Variants in MAN1C1 observed in about 807,000 individuals in gnomAD.
The protein encoded by MAN1C1 is mannosidase alpha class 1C member 1.
MAN1C1 carries 49 observed loss-of-function variants against 71.5 expected under a neutral mutation model. The ratio of observed to expected loss-of-function variants is 0.69; its 90% CI spans 0.54 to 0.87. The LOEUF (loss-of-function observed/expected upper bound fraction) is 0.87, where lower values mean the gene tolerates loss of function less well. Among genes scored for constraint, MAN1C1 ranks in the 40% least tolerant of loss-of-function variants. The pLI, the probability that MAN1C1 is intolerant of heterozygous loss-of-function variation, is 0.00. For synonymous variants in MAN1C1, 352 were observed against 343.7 expected, an observed-to-expected ratio of 1.02 and a Z score of -0.27; for missense variants, 743 against 835.0, an observed-to-expected ratio of 0.89 and a Z score of 1.36.
intron 1 of MAN1C1, among the ~76,000 whole-genome samples, chr1:25,627,521 C>T (rs567516605): frequency 3.3e-5 from 5 of 152,192 alleles, no homozygotes; most frequent in Admixed American, 2.6e-4. Flanking sequence ...GTGATTTGCC[C>T]GCCTCAGCCT....
At chr1:25,731,778 G>A (rs546475467) in intron 2 of MAN1C1, among the ~76,000 whole-genome samples, 8 of 152,308 alleles carry the variant, frequency 5.3e-5, no homozygotes, top group African/African-American at 1.9e-4. Context: ...TACTGATGCT[G>A]GGAGTAAACC....
Position 25,783,757 on chromosome 1 carries a change from G to A in MAN1C1, c.1861G>A (p.Asp621Asn), listed in dbSNP as rs1371870949. ...EAHPLPVNHS[D>N]SSGRAWGRH ...CCACCCACTCCCGGTGAACCACTCA[G>A]ACAGCTCCGGCAGAGCCTGGGGCAG... is the stretch of plus-strand genomic sequence containing the variant. Residue 621 changes from aspartate (D) to asparagine (N), a missense_variant, in exon 12 of 12, where the codon GAC becomes AAC. Transcript: ENST00000374332. 2.5e-6 allele frequency: 4 copies of A among 1,612,524 alleles called. No individual in the cohort carries two copies. The South Asian group carries it at 4.4e-5, about 18-fold the overall frequency.
At chr1:25,632,351 A>G (rs998176928) in intron 1 of MAN1C1, among the ~76,000 whole-genome samples, 99 of 152,186 alleles carry the variant, frequency 6.5e-4, no homozygotes, top group African/African-American at 2.3e-3. Context: ...TGGTTGTAAT[A>G]CTTCCAGTTT....
intron 2 of MAN1C1, among the ~76,000 whole-genome samples, chr1:25,741,097 G>A (rs1462750921): frequency 1.3e-5 from 2 of 152,034 alleles, no homozygotes; most frequent in African/African-American, 4.8e-5. Context: ...TTCAGACAGT[G>A]AAACATGCGA....
At chr1:25,708,633 C>A (rs552951169) in intron 2 of MAN1C1, among the ~76,000 whole-genome samples, 24 of 152,280 alleles carry the variant, frequency 1.6e-4, no homozygotes, top group Admixed American at 1.3e-3. Context: ...GCCTGTAATC[C>A]CAGCACTTTG....
chr1:25,698,949 GAAA>G (rs550083045), intron 2 of MAN1C1, among the ~76,000 whole-genome samples: 1 of 117,374 alleles, frequency 8.5e-6, no homozygotes, highest in Non-Finnish European at 1.8e-5. Flanking sequence ...CTCTGTCTTG[GAAA>G]AAAAAAAAAA....
chr1:25,709,585 T>C (rs1327366206), intron 2 of MAN1C1: 3 of 152,166 alleles, frequency 2.0e-5, no homozygotes, highest in African/African-American at 7.2e-5. Context: ...CTCCCCGCCG[T>C]CTTGGTTACA....
intron 1 of MAN1C1, among the ~76,000 whole-genome samples, chr1:25,675,587 G>GGGC (rs200016929): frequency 0.021 from 2,968 of 141,242 alleles, 146 homozygotes; most frequent in African/African-American, 0.079. Flanking sequence ...TATTTTGCGG[G>GGGC]GGGGGGGGGA....
chr1:25,642,817 C>G (rs1411818685), intron 1 of MAN1C1, among the ~76,000 whole-genome samples: 1 of 152,262 alleles, frequency 6.6e-6, no homozygotes, highest in African/African-American at 2.4e-5. Context: ...GCTCCGAGGC[C>G]GCTGGCTGCA....
At chr1:25,666,419 G>A (rs1409977168) in intron 1 of MAN1C1, among the ~76,000 whole-genome samples, 1 of 152,172 alleles carries the variant, frequency 6.6e-6, no homozygotes, top group Non-Finnish European at 1.5e-5. Flanking sequence ...AGTCAAATCT[G>A]AGAGCAAACG....
intron 1 of MAN1C1, among the ~76,000 whole-genome samples, chr1:25,673,307 G>T (rs567034575): frequency 1.3e-5 from 2 of 152,276 alleles, no homozygotes; most frequent in South Asian, 2.1e-4. Flanking sequence ...GATCCTTGCA[G>T]CACCCAGAGA....
chr1:25,666,889 A>G (rs1286433961), intron 1 of MAN1C1, among the ~76,000 whole-genome samples: 1 of 152,156 alleles, frequency 6.6e-6, no homozygotes, highest in African/African-American at 2.4e-5. Context: ...AGGTTTTGAA[A>G]CACCTGTCAT....
intron 1 of MAN1C1, among the ~76,000 whole-genome samples, chr1:25,661,995 C>T (rs1023398449): frequency 1.3e-5 from 2 of 152,120 alleles, no homozygotes; most frequent in African/African-American, 2.4e-5. Context: ...TGCTGGCCAG[C>T]GAACAGTGGT....
At chr1:25,768,592 CCA>C (rs2047493592) in intron 7 of MAN1C1, among the ~76,000 whole-genome samples, 1 of 112,300 alleles carries the variant, frequency 8.9e-6, no homozygotes, top group African/African-American at 3.3e-5. Flanking sequence ...ACCCACACAC[CCA>C]CACTCCCCTC....
rs1287752656 is a variant in MAN1C1 at position 25,746,177 on chromosome 1, C to T, written c.638-491C>T. Among the ~76,000 whole-genome samples, 1 of 151,992 alleles carries T rather than the reference C, an allele frequency of 6.6e-6. No homozygotes were observed. Among genetic ancestry groups the T allele is most frequent in the Non-Finnish European group, 1.5e-5 (1 of 68,002 alleles). On this transcript the variant is annotated intron_variant, in intron 2 of 11. Coordinates refer to ENST00000374332, the MANE Select transcript of MAN1C1 (RefSeq NM_020379.4). The surrounding 1 kb of genome is among the most constrained non-coding windows in gnomAD (Gnocchi z 4.0). ...AAAATTATCTGGGCGTGGTGGTGGA[C>T]ACCTGTGGTCCCAGCTACTTGGGAG...
chr1:25,692,784 C>T (rs2046324962), intron 2 of MAN1C1, among the ~76,000 whole-genome samples: 1 of 152,170 alleles, frequency 6.6e-6, no homozygotes, highest in Non-Finnish European at 1.5e-5. Context: ...ACCACTGCCC[C>T]CAGTGGAAGG....
intron 2 of MAN1C1, among the ~76,000 whole-genome samples, chr1:25,695,969 T>G (rs541400959): frequency 3.1e-4 from 47 of 152,204 alleles, no homozygotes; most frequent in South Asian, 6.2e-4. Flanking sequence ...GAAGGGGGTA[T>G]TGGGCTGGTC....
chr1:25,694,383 C>A (rs1437105121), intron 2 of MAN1C1, among the ~76,000 whole-genome samples: 2 of 152,182 alleles, frequency 1.3e-5, no homozygotes. Context: ...TTGGATTCCG[C>A]CTCTGCCTCG....
intron 2 of MAN1C1, among the ~76,000 whole-genome samples, chr1:25,717,575 CTTTT>C (rs1023005252): frequency 2.2e-5 from 3 of 135,556 alleles, no homozygotes; most frequent in Non-Finnish European, 4.8e-5. Flanking sequence ...TACCATTTTC[CTTTT>C]TTTTTTTTTT....
Sources: allele counts gnomAD v4.1 joint callset (sites outside exome capture counted in the v4.1 genomes callset), GRCh38; gene constraint gnomAD v4.1.1; non-coding constraint Gnocchi (gnomAD v3.1); transcripts MANE v1.5; gene names NCBI Gene and HGNC (gene_info 2026-07-23, HGNC 2026-07-21).